PTCH1: variants seen among roughly 807,000 people sequenced by gnomAD.
The protein encoded by PTCH1 is protein patched homolog 1.
Under a neutral mutation model 144.6 loss-of-function variants are expected in PTCH1, and 14 were observed. That is an observed-to-expected ratio of 0.10 (90% CI 0.06 to 0.15). The LOEUF is 0.15. Ranked by LOEUF, PTCH1 falls within the 10% of genes least tolerant of loss-of-function variation. The pLI, the probability that PTCH1 is intolerant of heterozygous loss-of-function variation, is 1.00. For synonymous variants in PTCH1, 833 were observed against 793.6 expected (o/e 1.05, Z -0.83); for missense variants, 1,623 against 1,948.3 (o/e 0.83, Z 3.14).
intron 1 of PTCH1, chr9:95,507,520 C>T (rs993450530): frequency 8.3e-5 from 71 of 858,176 alleles, no homozygotes; most frequent in Non-Finnish European, 9.7e-5. Flanking sequence ...TACAACTTTT[C>T]CTCCCCCGAC....
At position 95,476,194 on chromosome 9, in the gene PTCH1, C is replaced by T. The variant is rs1317572292; in HGVS notation, c.1603-35G>A. The T allele has an allele frequency of 6.3e-7, 1 of 1,599,816 alleles. No individual in the cohort carries two copies. Among genetic ancestry groups the T allele is most frequent in the Non-Finnish European group, 8.5e-7 (1 of 1,174,472 alleles). ...AAAAAACACAGCGCTGAGAGCTGCA[C>T]TGGACATGGTCCCCTTGGAGCACAG... On this transcript the variant is annotated intron_variant, in intron 11 of 23. Transcript: ENST00000331920. The surrounding 1 kb of genome is among the most constrained non-coding windows in gnomAD (Gnocchi z 4.6).
At chr9:95,452,752 G>A (rs1046175728) in intron 20 of PTCH1, 2 of 152,870 alleles carry the variant, frequency 1.3e-5, no homozygotes, top group Non-Finnish European at 2.9e-5. Flanking sequence ...ATCTGAGCAC[G>A]TCATTTTCAC....
At chr9:95,509,615 G>GCACA (rs3834392), upstream of PTCH1, among the ~76,000 whole-genome samples, 1 of 152,186 alleles carries the variant, frequency 6.6e-6, no homozygotes, top group Non-Finnish European at 1.5e-5. Context: ...GCGCGCGCAC[G>GCACA]CACACACACG....
At position 95,498,106 on chromosome 9, in the gene PTCH1, C is replaced by T. The variant is rs142117344; in HGVS notation, c.394+8301G>A. Among the ~76,000 whole-genome samples, 17 of 152,294 alleles carry T rather than the reference C, an allele frequency of 1.1e-4. No individual in the cohort carries two copies. The East Asian group carries it at 3.1e-3, about 28-fold the overall frequency. ...TCATGCACATTGACTTAACAAAGCC[C>T]ATTTCCAGTTCCTTTTGCTTACTTT... On this transcript the variant is annotated intron_variant, in intron 2 of 23. Coordinates refer to ENST00000331920, the MANE Select transcript of PTCH1 (RefSeq NM_000264.5).
Position 95,469,094 on chromosome 9 carries a change from T to C in PTCH1, c.1907A>G (p.Asn636Ser), listed in dbSNP as rs1588575591. ...EPQAYTDTHDNTRYSPPPPYS... is the reference protein window; with the variant it reads ...EPQAYTDTHDSTRYSPPPPYS... ...GGGAGGTGGGGGGCTGTAGCGGGTATTGTCGTGTGTGTCGGTGTAGGCCTG... is the reference window on the plus strand; with the variant it reads ...GGGAGGTGGGGGGCTGTAGCGGGTACTGTCGTGTGTGTCGGTGTAGGCCTG... Residue 636 changes from asparagine (N) to serine (S), a missense_variant, in exon 14 of 24, where the codon AAT becomes AGT. Coordinates refer to ENST00000331920, the MANE Select transcript of PTCH1 (RefSeq NM_000264.5). 1.2e-6 allele frequency: 2 copies of C among 1,613,954 alleles called. No individual in the cohort carries two copies. Among genetic ancestry groups the C allele is most frequent in the South Asian group, 1.1e-5 (1 of 91,052 alleles).
chr9:95,475,097 TG>T (rs1840910796), intron 12 of PTCH1, among the ~76,000 whole-genome samples: 1 of 152,176 alleles, frequency 6.6e-6, no homozygotes, highest in Non-Finnish European at 1.5e-5. Context: ...CACAAACTGG[TG>T]AAGTCTCTGC....
chr9:95,486,026 T>G, intron 2 of PTCH1, 152 bp from the exon 3 acceptor site: 1 of 855,988 alleles, frequency 1.2e-6, no homozygotes, highest in Non-Finnish European at 1.9e-6. Context: ...ACTTTATTAA[T>G]GGCAATGTTA....
At chr9:95,502,519 G>A (rs1017178787) in intron 2 of PTCH1, among the ~76,000 whole-genome samples, 1 of 152,204 alleles carries the variant, frequency 6.6e-6, no homozygotes, top group Non-Finnish European at 1.5e-5. Context: ...CACTACATCA[G>A]TCAACATATT....
At chr9:95,446,769 G>T in intron 23 of PTCH1, 142 bp downstream of exon 23, 1 of 1,081,886 alleles carries the variant, frequency 9.2e-7, no homozygotes, top group Non-Finnish European at 1.4e-6. Context: ...GCCTTGCTCT[G>T]GGGATAAAAG....
intron 3 of PTCH1, chr9:95,483,455 C>T (rs537599570): frequency 6.6e-6 from 1 of 151,920 alleles, no homozygotes; most frequent in South Asian, 2.1e-4. Context: ...AAACTTCCCT[C>T]CCAACTGCTC....
rs1192030415 is a variant in PTCH1 at position 95,506,562 on chromosome 9, C to T, written c.239G>A (p.Arg80Lys). The T allele has an allele frequency of 6.2e-7, 1 of 1,613,082 alleles. No homozygotes were observed. The highest frequency in any genetic ancestry group is 1.7e-5 in the Admixed American group (1 of 59,902). The change falls in exon 2 of 24, where the codon AGA becomes AAA. Residue 80 changes from arginine to lysine, a missense_variant. This residue lies in a region of PTCH1 where 245 missense variants were observed against 240.6 expected (regional missense o/e 1.02). Transcript: ENST00000331920. ...ATGRKAPLWL[R>K]AKFQRLLFKL... ...AAATAAGAGTCTCTGAAACTTCGCT[C>T]TCAGCCACAGCGGCGCTTTCCGGCC...
At chr9:95,493,100 G>C (rs1010854008) in intron 2 of PTCH1, among the ~76,000 whole-genome samples, 4 of 152,218 alleles carry the variant, frequency 2.6e-5, no homozygotes, top group African/African-American at 9.6e-5. Flanking sequence ...TTTCCAAAGT[G>C]AAGAAAGGCT....
At position 95,508,203 on chromosome 9, in the gene PTCH1, G is replaced by C; in HGVS notation, c.159C>G (p.Pro53=). 2.5e-6 allele frequency: 4 copies of C among 1,612,458 alleles called. No individual in the cohort carries two copies. Among genetic ancestry groups the C allele is most frequent in the African/African-American group, 1.3e-5 (1 of 75,018 alleles). The change falls in exon 1 of 24, where the codon CCC becomes CCG. Residue 53 remains proline, a synonymous_variant. Transcript: ENST00000331920. The part of the protein sequence containing the change: ...AAPDRDYLHR[P]SYCDAAFALE... ...GAGCGAAGGCGGCGTCGCAGTAGCT[G>C]GGCCGGTGCAGATAGTCCCGGTCCG...
chr9:95,449,637 C>A lies in PTCH1; in HGVS notation c.3549+204G>T. ...GATCTGTAAGACCCAGGCTGCCAAT[C>A]AGTTGATTTAGAGGAACCAAACCGA... On this transcript the variant is annotated intron_variant, in intron 21 of 23. Transcript: ENST00000331920. The surrounding 1 kb of genome is among the most constrained non-coding windows in gnomAD (Gnocchi z 5.3). The A allele has an allele frequency of 1.5e-6, 1 of 660,196 alleles. No individual in the cohort carries two copies. Among genetic ancestry groups the A allele is most frequent in the Non-Finnish European group, 2.6e-6 (1 of 379,524 alleles). 40.9% of individuals were successfully genotyped at this position (660,196 alleles called of 1,614,324 possible).
rs577742581 is a variant in PTCH1, at chr9:95,477,562, G to A, written c.1488C>T (p.Asn496=). 87 of 1,614,148 alleles carry A rather than the reference G, an allele frequency of 5.4e-5. No homozygotes were observed. In the African/African-American group the frequency reaches 7.5e-4, roughly 14 times the overall value. ...GLCSLIGISF[N]AATTQVLPFL... ...CCTTTAGTACCTGAGTTGTTGCAGC[G>A]TTAAAGGAAATTCCGATCAATGAGC... is the stretch of plus-strand genomic sequence containing the variant. Residue 496 remains asparagine, a synonymous_variant, in exon 10 of 24, where the codon AAC becomes AAT. Transcript: ENST00000331920.
chr9:95,456,097 G>A (rs1472138893), intron 19 of PTCH1, among the ~76,000 whole-genome samples, 179 bp downstream of exon 19: 2 of 152,162 alleles, frequency 1.3e-5, no homozygotes, highest in Non-Finnish European at 2.9e-5. Context: ...CCTCTCCTTA[G>A]CCTCCCTTGA....
Position 95,485,780 on chromosome 9 carries a change from T to C in PTCH1, c.489A>G (p.Lys163=), listed in dbSNP as rs2118544161. ...TGGTCAGGACATTAGCACCTTCTTC[T>C]TTAGGGGTCTGTATCATGAGTTGAG... The part of the protein sequence containing the change: ...FNPQLMIQTP[K]EEGANVLTTE... The change falls in exon 3 of 24, where the codon AAA becomes AAG. Residue 163 remains lysine, a synonymous_variant. Transcript: ENST00000331920. 6.2e-7 allele frequency: 1 copy of C among 1,614,202 alleles called. No individual in the cohort carries two copies. Among genetic ancestry groups the C allele is most frequent in the South Asian group, 1.1e-5 (1 of 91,076 alleles).
intron 1 of PTCH1, chr9:95,516,320 G>A: frequency 4.8e-6 from 2 of 419,182 alleles, no homozygotes; most frequent in Non-Finnish European, 6.4e-6. Flanking sequence ...CGGCCCCGGC[G>A]CGCGGCCCGC....
At chr9:95,470,605 C>T (rs1390937042) in intron 12 of PTCH1, among the ~76,000 whole-genome samples, 1 of 152,068 alleles carries the variant, frequency 6.6e-6, no homozygotes, top group Admixed American at 6.6e-5. Flanking sequence ...TTCTGCAGTG[C>T]GTTGGCAAAT....
Sources: allele counts gnomAD v4.1 joint callset (sites outside exome capture counted in the v4.1 genomes callset), GRCh38; gene constraint gnomAD v4.1.1; regional missense constraint gnomAD v4.1.1; non-coding constraint Gnocchi (gnomAD v3.1); transcripts MANE v1.5; gene names NCBI Gene and HGNC (gene_info 2026-07-23, HGNC 2026-07-21).